VEPH1: variants seen among roughly 807,000 people sequenced by gnomAD.
The protein encoded by VEPH1 is ventricular zone expressed PH domain containing 1, also known as ventricular zone-expressed PH domain-containing protein homolog 1.
Under a neutral mutation model 85.2 loss-of-function variants are expected in VEPH1, and 80 were observed. The ratio of observed to expected loss-of-function variants is 0.94; its 90% CI spans 0.78 to 1.13. The LOEUF (loss-of-function observed/expected upper bound fraction) is 1.13, where lower values mean the gene tolerates loss of function less well. Among genes scored for constraint, VEPH1 ranks in the 50% most tolerant of loss-of-function variants. The probability of loss-of-function intolerance (pLI) is 0.00; values close to 1 mark genes in which losing one functional copy is unlikely to be tolerated. For missense variants in VEPH1, 955 were observed against 980.5 expected (o/e 0.97, Z 0.35); for synonymous variants, 297 against 348.0 (o/e 0.85, Z 1.63).
chr3:157,363,202 GAAA>G (rs34308512), intron 9 of VEPH1, 159 bp downstream of exon 9: 117 of 466,480 alleles, frequency 2.5e-4, no homozygotes, highest in Middle Eastern at 6.3e-4. Context: ...CTTTTCTTGG[GAAA>G]AAAAAAAAAA....
intron 9 of VEPH1, among the ~76,000 whole-genome samples, chr3:157,326,155 A>T (rs1281183662): frequency 4.6e-5 from 7 of 152,180 alleles, no homozygotes; most frequent in Non-Finnish European, 1.5e-5. Flanking sequence ...GTGTATAGGA[A>T]TGCAAGTGAT....
chr3:157,362,275 C>T (rs1488460709), intron 9 of VEPH1, among the ~76,000 whole-genome samples: 4 of 152,202 alleles, frequency 2.6e-5, no homozygotes, highest in Admixed American at 1.3e-4. Flanking sequence ...AGGCGATCCA[C>T]CTGCCTCAGC....
intron 6 of VEPH1, among the ~76,000 whole-genome samples, chr3:157,399,928 T>C (rs1436502730): frequency 6.6e-6 from 1 of 152,200 alleles, no homozygotes; most frequent in Non-Finnish European, 1.5e-5. Context: ...AGTCACTTTC[T>C]TCAATTCTTT....
chr3:157,443,174 A>G, intron 4 of VEPH1: 1 of 622,278 alleles, frequency 1.6e-6, no homozygotes, highest in Non-Finnish European at 2.6e-6. Flanking sequence ...AAAGCTTTTG[A>G]GGATAATGTT....
chr3:157,369,193 A>AAAAAAACAAAAAAC, intron 7 of VEPH1, among the ~76,000 whole-genome samples: 1 of 140,632 alleles, frequency 7.1e-6, no homozygotes, highest in East Asian at 2.2e-4. Flanking sequence ...AAAAAAAAAA[A>AAAAAAACAAAAAAC]AAAAAAAAAA....
At chr3:157,448,500 A>C (rs1371828625) in intron 4 of VEPH1, among the ~76,000 whole-genome samples, 1 of 152,218 alleles carries the variant, frequency 6.6e-6, no homozygotes, top group Non-Finnish European at 1.5e-5. Context: ...AAAATTTTAA[A>C]AGGGCTTCCC....
intron 9 of VEPH1, among the ~76,000 whole-genome samples, chr3:157,319,144 C>T (rs957845400): frequency 1.3e-5 from 2 of 152,130 alleles, no homozygotes; most frequent in Admixed American, 1.3e-4. Flanking sequence ...GAGATATATA[C>T]AGAAATGTTA....
intron 11 of VEPH1, among the ~76,000 whole-genome samples, chr3:157,292,883 T>C (rs927662622): frequency 4.8e-5 from 7 of 146,980 alleles, no homozygotes; most frequent in Non-Finnish European, 8.9e-5. Context: ...CTTGGGAGGC[T>C]GAGGCAGGAG....
At chr3:157,405,305 C>T (rs1346045392) in intron 6 of VEPH1, among the ~76,000 whole-genome samples, 1 of 152,092 alleles carries the variant, frequency 6.6e-6, no homozygotes, top group East Asian at 1.9e-4. Flanking sequence ...ACTTTTGTAA[C>T]CATTATTTAC....
chr3:157,393,004 T>G lies in VEPH1; in HGVS notation c.907-11628A>C, dbSNP rs534014560. ...TGGGCAACTGGACCTGATGTGAAGT[T>G]TTCTGGGGTAGAAGACTACTGAAAA... On this transcript the variant is annotated intron_variant, in intron 6 of 13. Coordinates refer to ENST00000362010, the MANE Select transcript of VEPH1 (RefSeq NM_001167912.2). 9.8e-5 allele frequency among the ~76,000 whole-genome samples: 15 copies of G among 152,312 alleles called. No homozygotes were observed. In the East Asian group the frequency reaches 1.9e-3, roughly 20 times the overall value.
chr3:157,438,066 CA>C, intron 4 of VEPH1: 11 of 753,190 alleles, frequency 1.5e-5, no homozygotes, highest in African/African-American at 5.7e-5. Flanking sequence ...CACACACACA[CA>C]CACACCCCTA....
At chr3:157,438,585 C>G (rs1024217003) in intron 4 of VEPH1, among the ~76,000 whole-genome samples, 2 of 152,236 alleles carry the variant, frequency 1.3e-5, no homozygotes, top group Middle Eastern at 6.8e-3. Context: ...CAGCGTGGAA[C>G]AGTCAGGTGT....
intron 9 of VEPH1, among the ~76,000 whole-genome samples, chr3:157,339,103 G>A (rs1434703225): frequency 6.6e-6 from 1 of 152,192 alleles, no homozygotes; most frequent in Non-Finnish European, 1.5e-5. Flanking sequence ...CACACTCTGA[G>A]TAGGTATCCC....
chr3:157,418,167 G>C (rs1044056179), intron 5 of VEPH1, among the ~76,000 whole-genome samples: 2 of 152,150 alleles, frequency 1.3e-5, no homozygotes, highest in Admixed American at 1.3e-4. Context: ...AGTTTAGTGG[G>C]CAAAGGAGTG....
chr3:157,433,657 A>G (rs1043641574), intron 4 of VEPH1, among the ~76,000 whole-genome samples: 2 of 152,226 alleles, frequency 1.3e-5, no homozygotes, highest in Non-Finnish European at 2.9e-5. Flanking sequence ...TGTTGCATCA[A>G]CATTCTTAAT....
chr3:157,405,049 A>C (rs1160866241), intron 6 of VEPH1, among the ~76,000 whole-genome samples: 1 of 152,100 alleles, frequency 6.6e-6, no homozygotes, highest in Non-Finnish European at 1.5e-5. Flanking sequence ...CCTCACAGAC[A>C]CCAGTGTAGG....
At position 157,363,725 on chromosome 3, in the gene VEPH1, C is replaced by A. The variant is rs372763241; in HGVS notation, c.1374G>T (p.Lys458Asn). ...CTTCGCCGTCATCTGAACCCACACC[C>A]TTTGTGAGCATAGTGTGGAAAGCCA... ...KSLAFHTMLT[K>N]GVGSDDGEDE... is the part of the protein sequence containing the mutation. The change falls in exon 9 of 14, where the codon AAG (lysine) becomes AAT (asparagine). Residue 458 changes from lysine to asparagine, a missense_variant. Lys to Asn is a moderately conservative substitution (Grantham distance 94). Transcript: ENST00000362010. The A allele has an allele frequency of 6.2e-7, 1 of 1,613,972 alleles. No homozygotes were observed. Among genetic ancestry groups the A allele is most frequent in the African/African-American group, 1.3e-5 (1 of 74,912 alleles).
intron 2 of VEPH1, among the ~76,000 whole-genome samples, chr3:157,471,043 C>G (rs1736902726): frequency 6.6e-6 from 1 of 152,158 alleles, no homozygotes; most frequent in Non-Finnish European, 1.5e-5. Context: ...CTCCATTCCC[C>G]TGTCTTAATT....
intron 4 of VEPH1, among the ~76,000 whole-genome samples, chr3:157,458,923 T>A (rs1467920013): frequency 6.6e-6 from 1 of 152,222 alleles, no homozygotes; most frequent in Non-Finnish European, 1.5e-5. Context: ...AAAGATCAGA[T>A]GGTGGCTCTA....
Sources: gnomAD v4.1 joint callset for allele counts (sites outside exome capture counted in the v4.1 genomes callset) on GRCh38, gnomAD v4.1.1 for gene constraint, MANE v1.5 for transcripts, NCBI Gene and HGNC (gene_info 2026-07-23, HGNC 2026-07-21) for gene names.